The following MEMO1 variants were observed in gnomAD, a reference collection of about 807,000 sequenced individuals.
MEMO1 encodes the protein protein MEMO1.
MEMO1 carries 6 observed loss-of-function variants against 45.2 expected under a neutral mutation model. The ratio of observed to expected loss-of-function variants is 0.13; its 90% CI spans 0.07 to 0.26. The LOEUF (loss-of-function observed/expected upper bound fraction) is 0.26, where lower values mean the gene tolerates loss of function less well. MEMO1 is among the 10% of genes least tolerant of loss of function. The pLI, the probability that MEMO1 is intolerant of heterozygous loss-of-function variation, is 1.00. For missense variants in MEMO1, 184 were observed against 370.5 expected (o/e 0.50, Z 4.13); for synonymous variants, 78 against 124.3 (o/e 0.63, Z 2.48).
In MEMO1 at chr2:31,868,193, T is replaced by G. The variant is rs190783152; in HGVS notation, c.*168A>C. On this transcript the variant is annotated 3_prime_UTR_variant, in exon 10 of 10. Coordinates refer to ENST00000404530, the MANE Select transcript of MEMO1 (RefSeq NM_001301833.4). ...AAACTATAAAGCATTTTTTAATGAGTTGAAATTAAGGAAGGACTACACCTA... is the reference window on the plus strand; with the variant it reads ...AAACTATAAAGCATTTTTTAATGAGGTGAAATTAAGGAAGGACTACACCTA... The G allele has an allele frequency of 7.5e-4, 389 of 515,918 alleles. 1 individual carries two copies. Among genetic ancestry groups the G allele is most frequent in the African/African-American group, 6.2e-3 (313 of 50,292 alleles). 32.0% of individuals were successfully genotyped at this position (515,918 alleles called of 1,614,324 possible).
intron 2 of MEMO1, among the ~76,000 whole-genome samples, chr2:31,999,882 ATTTT>A (rs5830219): frequency 4.9e-5 from 6 of 123,112 alleles, no homozygotes; most frequent in African/African-American, 1.5e-4. Context: ...TGCATCAGGC[ATTTT>A]TTTTTTTTTT....
chr2:31,887,905 T>C (rs1051628385), intron 7 of MEMO1, among the ~76,000 whole-genome samples: 8 of 152,082 alleles, frequency 5.3e-5, no homozygotes, highest in Non-Finnish European at 8.8e-5. Context: ...CACATTAATA[T>C]ACAGTAAAGA....
intron 7 of MEMO1, among the ~76,000 whole-genome samples, chr2:31,890,955 T>C (rs1486401547): frequency 2.6e-5 from 4 of 152,176 alleles, no homozygotes; most frequent in Middle Eastern, 3.2e-3. Flanking sequence ...TTACAAAAGA[T>C]AGTTCTCTTG....
At chr2:32,005,793 C>T (rs552109709) in intron 2 of MEMO1, among the ~76,000 whole-genome samples, 21 of 152,164 alleles carry the variant, frequency 1.4e-4, no homozygotes, top group African/African-American at 4.3e-4. Context: ...ACTTATTGAG[C>T]ATCTACTATG....
In MEMO1 at chr2:31,886,958, C is replaced by T. The variant is rs987094156; in HGVS notation, c.581-3496G>A. Among the ~76,000 whole-genome samples, 4 of 152,078 alleles carry T rather than the reference C, an allele frequency of 2.6e-5. No individual in the cohort carries two copies. In the East Asian group the frequency reaches 7.7e-4, roughly 29 times the overall value. ...TGTCAGTAGTTTCTTCAGGTGCCTT[C>T]CCTCAGTTCTTTTCAAATTCAAAAG... On this transcript the variant is annotated intron_variant, in intron 7 of 9. Transcript: ENST00000404530.
At chr2:31,883,563 G>T (rs1417142263) in intron 7 of MEMO1, 101 bp from the exon 8 acceptor site, 2 of 815,898 alleles carry the variant, frequency 2.5e-6, no homozygotes, top group Non-Finnish European at 3.9e-6. Flanking sequence ...GAAAGGCAAA[G>T]CACAGCTTAA....
intron 2 of MEMO1, among the ~76,000 whole-genome samples, chr2:31,988,093 CT>C (rs1671491262): frequency 6.6e-6 from 1 of 152,128 alleles, no homozygotes; most frequent in Non-Finnish European, 1.5e-5. Flanking sequence ...TTCTTGGTTT[CT>C]TTTTTTCTTT....
intron 3 of MEMO1, among the ~76,000 whole-genome samples, chr2:31,933,345 A>AT (rs869073810): frequency 5.6e-4 from 19 of 34,086 alleles, no homozygotes; most frequent in African/African-American, 2.1e-3. Context: ...AAAAAAAAAA[A>AT]AAAATTTATA....
At chr2:32,001,834 T>C (rs1205715205) in intron 2 of MEMO1, among the ~76,000 whole-genome samples, 1 of 152,102 alleles carries the variant, frequency 6.6e-6, no homozygotes, top group African/African-American at 2.4e-5. Flanking sequence ...CTATACCTAA[T>C]CATAAGATTA....
chr2:31,868,255 G>C lies in MEMO1; in HGVS notation c.*106C>G. ...GAGAAGAAAGTTCTATTAGTTTGAGGTTTCAGAATCCCCCCAAACCAGGAC... is the reference window on the plus strand; with the variant it reads ...GAGAAGAAAGTTCTATTAGTTTGAGCTTTCAGAATCCCCCCAAACCAGGAC... On this transcript the variant is annotated 3_prime_UTR_variant, in exon 10 of 10. Transcript: ENST00000404530. 1 of 1,223,604 alleles carries C rather than the reference G, an allele frequency of 8.2e-7. No homozygotes were observed. The highest frequency in any genetic ancestry group is 1.0e-6 in the Non-Finnish European group (1 of 957,850). 75.8% of individuals were successfully genotyped at this position (1,223,604 alleles called of 1,614,324 possible). A position where few individuals can be genotyped will look rare whatever the true frequency, so the allele number is the denominator to read the frequency against.
intron 8 of MEMO1, among the ~76,000 whole-genome samples, chr2:31,882,667 T>C (rs891026734): frequency 4.6e-5 from 7 of 152,206 alleles, no homozygotes; most frequent in Non-Finnish European, 8.8e-5. Context: ...CCCTTCAGCA[T>C]AGCAGACAAG....
At chr2:31,912,973 T>C (rs1196270967) in intron 6 of MEMO1, among the ~76,000 whole-genome samples, 3 of 152,190 alleles carry the variant, frequency 2.0e-5, no homozygotes, top group Admixed American at 6.5e-5. Flanking sequence ...ATGAATACAA[T>C]TTTTAAATCT....
At chr2:31,893,230 A>G (rs1677217107) in intron 6 of MEMO1, 2 of 642,756 alleles carry the variant, frequency 3.1e-6, no homozygotes, top group Non-Finnish European at 4.2e-6. Context: ...CTCCCCCATA[A>G]GGCCCCCTTA....
intron 6 of MEMO1, among the ~76,000 whole-genome samples, chr2:31,913,784 G>T: frequency 6.6e-6 from 1 of 152,168 alleles, no homozygotes; most frequent in South Asian, 2.1e-4. Flanking sequence ...CAAATAATCC[G>T]TCAACTATTT....
At position 31,885,929 on chromosome 2, in the gene MEMO1, G is replaced by C. The variant is rs3769613; in HGVS notation, c.581-2467C>G. Among the ~76,000 whole-genome samples, 902 of 152,308 alleles carry C rather than the reference G, an allele frequency of 5.9e-3. 22 individuals carry two copies. The highest frequency in any genetic ancestry group is 0.045 in the East Asian group (235 of 5,194). ...ACCCAGACTTAACAGTAAGTGAAAA[G>C]TCTATACTTTAAATTGCTATCTTGT... On this transcript the variant is annotated intron_variant, in intron 7 of 9. Coordinates refer to ENST00000404530, the MANE Select transcript of MEMO1 (RefSeq NM_001301833.4).
chr2:31,894,122 CA>C (rs1221870423), intron 6 of MEMO1, among the ~76,000 whole-genome samples: 1 of 152,092 alleles, frequency 6.6e-6, no homozygotes, highest in Non-Finnish European at 1.5e-5. Context: ...ATAAAAGCGT[CA>C]AAAACAACCA....
rs1664251209 is a variant in MEMO1, at chr2:31,932,104, C to A, written c.175G>T (p.Ala59Ser). The change falls in exon 4 of 10, where the codon GCT becomes TCT. Residue 59 changes from alanine (A) to serine (S), a missense_variant. Physicochemically the swap from Ala to Ser is moderately conservative, Grantham distance 99 (BLOSUM62 1). Around this residue, in one of 3 missense-constraint regions of MEMO1, gnomAD observed 27 missense variants for 82.1 expected, o/e 0.33. Coordinates refer to ENST00000404530, the MANE Select transcript of MEMO1 (RefSeq NM_001301833.4). ...TCCACTTGTTTATAAGCATGGGCAGCACAAGACCCACAGTACGTATATCCT... is the reference window on the plus strand; with the variant it reads ...TCCACTTGTTTATAAGCATGGGCAGAACAAGACCCACAGTACGTATATCCT... Reference protein sequence around the residue: ...HAGYTYCGSCAAHAYKQVDPS... With the variant: ...HAGYTYCGSCSAHAYKQVDPS... 1.2e-6 allele frequency: 2 copies of A among 1,613,640 alleles called. No individual in the cohort carries two copies. The highest frequency in any genetic ancestry group is 1.7e-6 in the Non-Finnish European group (2 of 1,179,776).
rs1558477329 is a variant in MEMO1, at chr2:31,886,251, T to C, written c.581-2789A>G. Among the ~76,000 whole-genome samples, 10 of 152,350 alleles carry C rather than the reference T, an allele frequency of 6.6e-5. No homozygotes were observed. The South Asian group carries it at 1.7e-3, about 25-fold the overall frequency. On this transcript the variant is annotated intron_variant, in intron 7 of 9. Transcript: ENST00000404530. ...TAGCTACTACACTGAATAAATATTT[T>C]AGTTGCAACAGCTCAAATCGTCTCA...
At chr2:31,964,804 A>G (rs886326481) in intron 2 of MEMO1, among the ~76,000 whole-genome samples, 2 of 152,122 alleles carry the variant, frequency 1.3e-5, no homozygotes, top group African/African-American at 4.8e-5. Context: ...TGATAATAGT[A>G]TTGTGGTTAT....
Sources: gnomAD v4.1 joint callset for allele counts (sites outside exome capture counted in the v4.1 genomes callset) on GRCh38, gnomAD v4.1.1 for gene constraint, gnomAD v4.1.1 regional missense constraint, MANE v1.5 for transcripts, NCBI Gene and HGNC (gene_info 2026-07-23, HGNC 2026-07-21) for gene names.